DORIP1: variants seen among roughly 807,000 people sequenced by gnomAD.
DORIP1 encodes dopamine receptor interacting protein 1, also known as dopamine receptor-interacting protein 1.
the DORIP1 span, among the ~76,000 whole-genome samples, chr14:44,901,939 A>G: frequency 6.6e-6 from 1 of 152,188 alleles, no homozygotes; most frequent in Non-Finnish European, 1.5e-5. Flanking sequence ...AAAGCCTCCA[A>G]GGGACATGAG....
chr14:44,905,492 A>G, the DORIP1 span: 4 of 1,561,574 alleles, frequency 2.6e-6, no homozygotes, highest in Non-Finnish European at 3.5e-6. Flanking sequence ...TTGTTAAATA[A>G]ACCCCCAGAG....
chr14:44,903,732 A>C, the DORIP1 span: 1 of 964,250 alleles, frequency 1.0e-6, no homozygotes, highest in African/African-American at 1.8e-5. Flanking sequence ...AATATTTAGA[A>C]GGATGATCTT....
chr14:44,905,533 C>A, the DORIP1 span: 1 of 1,512,750 alleles, frequency 6.6e-7, no homozygotes, highest in South Asian at 1.3e-5. Context: ...GGTTTATATT[C>A]GAGCAACAGA....
chr14:44,900,977 C>A, the DORIP1 span: 4 of 1,541,462 alleles, frequency 2.6e-6, no homozygotes, highest in African/African-American at 1.4e-5. Context: ...GGTCTAACGT[C>A]TGTTTTGTCA....
the DORIP1 span, among the ~76,000 whole-genome samples, chr14:44,898,076 TC>T: frequency 1.3e-5 from 2 of 152,194 alleles, no homozygotes; most frequent in Admixed American, 1.3e-4. Flanking sequence ...AGGAGAGTTT[TC>T]CAGGTTTATT....
the DORIP1 span, among the ~76,000 whole-genome samples, chr14:44,897,841 C>T: frequency 6.6e-6 from 1 of 152,216 alleles, no homozygotes; most frequent in Non-Finnish European, 1.5e-5. Flanking sequence ...TCCGCCTTGT[C>T]CCTGTCCCGA....
the DORIP1 span, among the ~76,000 whole-genome samples, chr14:44,899,482 A>G: frequency 6.6e-6 from 1 of 152,204 alleles, no homozygotes; most frequent in East Asian, 1.9e-4. Flanking sequence ...CTATGCTACT[A>G]TTCACTTAAG....
At chr14:44,900,518 C>G in the DORIP1 span, 1 of 1,597,918 alleles carries the variant, frequency 6.3e-7, no homozygotes, top group Non-Finnish European at 8.5e-7. Context: ...CCTGTTCTTC[C>G]TTGGGGGGGT....
chr14:44,903,086 T>C, the DORIP1 span: 3 of 640,494 alleles, frequency 4.7e-6, no homozygotes, highest in East Asian at 8.2e-5. Flanking sequence ...GAATGTGTCA[T>C]AAAGGTTATA....
chr14:44,899,751 A>G, the DORIP1 span, among the ~76,000 whole-genome samples: 56 of 152,222 alleles, frequency 3.7e-4, no homozygotes, highest in Non-Finnish European at 6.2e-4. Flanking sequence ...TATTTTGGAA[A>G]GATGAGGAGG....
the DORIP1 span, chr14:44,903,346 G>A: frequency 6.4e-7 from 1 of 1,556,520 alleles, no homozygotes. Flanking sequence ...TGTTTATAAG[G>A]AAACCTAGGC....
At chr14:44,904,252 AC>A in the DORIP1 span, 5 of 1,371,652 alleles carry the variant, frequency 3.6e-6, no homozygotes, top group Admixed American at 1.2e-4. Context: ...GGTAGTAATT[AC>A]CCTATAACTA....
At chr14:44,897,398 A>G in the DORIP1 span, 1 of 162,046 alleles carries the variant, frequency 6.2e-6, no homozygotes, top group Non-Finnish European at 1.3e-5. Context: ...GGCGGCTGCC[A>G]TGGAGGCCAT....
chr14:44,902,660 T>C, the DORIP1 span, among the ~76,000 whole-genome samples: 3 of 152,110 alleles, frequency 2.0e-5, no homozygotes, highest in Non-Finnish European at 4.4e-5. Context: ...TCTGTAAATA[T>C]TTTGAAACTA....
chr14:44,897,279 G>A, the DORIP1 span: 2 of 153,164 alleles, frequency 1.3e-5, no homozygotes, highest in African/African-American at 2.4e-5. Context: ...GGGGGCGGAG[G>A]TCGTGCCGAA....
the DORIP1 span, chr14:44,900,754 C>G: frequency 6.2e-7 from 1 of 1,614,078 alleles, no homozygotes; most frequent in Non-Finnish European, 8.5e-7. Context: ...TGTGAAGCTA[C>G]TTTGGATTTG....
chr14:44,898,549 A>G, the DORIP1 span, among the ~76,000 whole-genome samples: 1 of 152,250 alleles, frequency 6.6e-6, no homozygotes, highest in African/African-American at 2.4e-5. Context: ...TTCAACGGAA[A>G]TAAATCAAAC....
the DORIP1 span, chr14:44,903,458 A>G: frequency 2.3e-6 from 3 of 1,317,092 alleles, no homozygotes; most frequent in African/African-American, 4.4e-5. Context: ...AGAATATGGT[A>G]CTACAGCTGA....
chr14:44,906,350 G>C, the DORIP1 span: 6 of 152,002 alleles, frequency 3.9e-5, no homozygotes, highest in African/African-American at 1.4e-4. Context: ...TAGGCAACTG[G>C]ATGTTTACTA....
Sources: gnomAD v4.1 joint callset for allele counts (sites outside exome capture counted in the v4.1 genomes callset) on GRCh38, gnomAD v4.1.1 for gene constraint, MANE v1.5 for transcripts, NCBI Gene and HGNC (gene_info 2026-07-23, HGNC 2026-07-21) for gene names.